Variants in CYTIP observed in about 807,000 individuals in gnomAD.
CYTIP encodes the protein cytohesin-interacting protein.
A neutral mutation model predicts 43.8 loss-of-function variants in CYTIP; 26 were observed. That is an observed-to-expected ratio of 0.59 (90% CI 0.44 to 0.82). The LOEUF is 0.82. Ranked by LOEUF, CYTIP falls within the 40% of genes least tolerant of loss-of-function variation. The probability of loss-of-function intolerance (pLI) is 0.00; values close to 1 mark genes in which losing one functional copy is unlikely to be tolerated. For missense variants in CYTIP, 426 were observed against 443.1 expected (o/e 0.96, Z 0.35); for synonymous variants, 162 against 162.9 (o/e 0.99, Z 0.04).
At chr2:157,441,603 TAC>T (rs35513959) in intron 1 of CYTIP, among the ~76,000 whole-genome samples, 26,755 of 148,320 alleles carry the variant, frequency 0.18, 2,825 homozygotes, top group Non-Finnish European at 0.25. Context: ...TATATGCACA[TAC>T]ACACACACAC....
At chr2:157,442,546 G>C (rs182804152) in intron 1 of CYTIP, among the ~76,000 whole-genome samples, 132 of 150,838 alleles carry the variant, frequency 8.8e-4, no homozygotes, top group Non-Finnish European at 1.7e-3. Context: ...CAAATATAAA[G>C]AAAATCTGAC....
rs1305008014 is a variant in CYTIP at position 157,434,839 on chromosome 2, TCTCTCTCTCTCACACACA to T, written c.175-110_175-93del. On this transcript the variant is annotated intron_variant, in intron 1 of 7. Coordinates refer to ENST00000264192, the MANE Select transcript of CYTIP (RefSeq NM_004288.5). ...CTCTCTCTCTCTCTCTCTCTCTCTC[TCTCTCTCTCTCACACACA>T]CACACACACACACACACACACACAC... 16 of 470,996 alleles carry T rather than the reference TCTCTCTCTCTCACACACA, an allele frequency of 3.4e-5. No individual in the cohort carries two copies. In the African/African-American group the frequency reaches 4.0e-4, roughly 12 times the overall value. The allele number at this position is 470,996 out of a possible 1,614,324, so 29.2% of individuals were successfully genotyped here. A position where few individuals can be genotyped will look rare whatever the true frequency, so the allele number is the denominator to read the frequency against.
At position 157,425,719 on chromosome 2, in the gene CYTIP, A is replaced by C. The variant is rs574610820; in HGVS notation, c.546+1632T>G. Among the ~76,000 whole-genome samples, 11 of 152,286 alleles carry C rather than the reference A, an allele frequency of 7.2e-5. No individual in the cohort carries two copies. In the South Asian group the frequency reaches 2.3e-3, roughly 32 times the overall value. Reference sequence around the variant, plus strand: ...TTTTCAATATTTCTTTTTTCTAAGAAAAGGTGAAAAAGTTAAACTTTTTTA... The same window carrying C: ...TTTTCAATATTTCTTTTTTCTAAGACAAGGTGAAAAAGTTAAACTTTTTTA... On this transcript the variant is annotated intron_variant, in intron 6 of 7. Coordinates refer to ENST00000264192, the MANE Select transcript of CYTIP (RefSeq NM_004288.5).
intron 6 of CYTIP, among the ~76,000 whole-genome samples, chr2:157,425,166 T>C (rs1381611502): frequency 6.6e-6 from 1 of 152,128 alleles, no homozygotes; most frequent in African/African-American, 2.4e-5. Flanking sequence ...ATTAAAGGAG[T>C]AATATATTCA....
chr2:157,423,755 C>A (rs1411206815), intron 6 of CYTIP, among the ~76,000 whole-genome samples: 2 of 151,944 alleles, frequency 1.3e-5, no homozygotes, highest in African/African-American at 4.8e-5. Context: ...CAAATCGAAC[C>A]TGTAATTACA....
rs999023521 is a variant in CYTIP at position 157,433,587 on chromosome 2, G to A, written c.279+783C>T. Among the ~76,000 whole-genome samples, 7 of 151,634 alleles carry A rather than the reference G, an allele frequency of 4.6e-5. No homozygotes were observed. In the East Asian group the frequency reaches 5.8e-4, roughly 13 times the overall value. ...AAACACATCCAAAAGACATGCAAAC[G>A]TACTATGGAAAAAAAAAACAGAAAT... is the stretch of plus-strand genomic sequence containing the variant. On this transcript the variant is annotated intron_variant, in intron 3 of 7. Coordinates refer to ENST00000264192, the MANE Select transcript of CYTIP (RefSeq NM_004288.5).
Position 157,415,597 on chromosome 2 carries a change from C to G in CYTIP, c.*80G>C. ...GGATGTCAGTTTTGCAATTCTTCTG[C>G]ACTTTCCCACCAAGCTGGGATCTGG... is the stretch of plus-strand genomic sequence containing the variant. On this transcript the variant is annotated 3_prime_UTR_variant, in exon 8 of 8. Transcript: ENST00000264192. 1 of 961,334 alleles carries G rather than the reference C, an allele frequency of 1.0e-6. No individual in the cohort carries two copies. The highest frequency in any genetic ancestry group is 1.6e-6 in the Non-Finnish European group (1 of 629,712). The allele number at this position is 961,334 out of a possible 1,614,324, so 59.6% of individuals were successfully genotyped here.
intron 5 of CYTIP, 92 bp downstream of exon 5, chr2:157,430,467 A>T: frequency 9.2e-7 from 1 of 1,084,032 alleles, no homozygotes; most frequent in Non-Finnish European, 1.4e-6. Flanking sequence ...TCCGTCTTGT[A>T]ATGCTGAACA....
chr2:157,435,401 T>C (rs972773643), intron 1 of CYTIP, among the ~76,000 whole-genome samples: 2 of 152,204 alleles, frequency 1.3e-5, no homozygotes, highest in African/African-American at 4.8e-5. Context: ...ATTTTTGTAA[T>C]AGTTTTGGAA....
chr2:157,438,659 A>C (rs1454312648), intron 1 of CYTIP, among the ~76,000 whole-genome samples: 2 of 152,188 alleles, frequency 1.3e-5, no homozygotes, highest in African/African-American at 4.8e-5. Context: ...ATGTATGATT[A>C]TATATCAACT....
rs1211819212 is a variant in CYTIP at position 157,442,061 on chromosome 2, CA to C, written c.174+1785del. Among the ~76,000 whole-genome samples, 4 of 152,162 alleles carry C rather than the reference CA, an allele frequency of 2.6e-5. No homozygotes were observed. In the East Asian group the frequency reaches 5.8e-4, roughly 22 times the overall value. On this transcript the variant is annotated intron_variant, in intron 1 of 7. Transcript: ENST00000264192. ...ACACACTTAATATTGTGTTGTTACACAAAAAAGTCCTCCAGGCACCAGGATC... is the reference window on the plus strand; with the variant it reads ...ACACACTTAATATTGTGTTGTTACACAAAAAGTCCTCCAGGCACCAGGATC...
At chr2:157,426,008 C>T (rs902245371) in intron 6 of CYTIP, among the ~76,000 whole-genome samples, 1 of 151,600 alleles carries the variant, frequency 6.6e-6, no homozygotes, top group Non-Finnish European at 1.5e-5. Flanking sequence ...GATAAGAAAT[C>T]TATATAGAAA....
chr2:157,434,812 ATCTCTCTCTC>A lies in CYTIP; in HGVS notation c.175-75_175-66del, dbSNP rs113065609. 2,545 of 415,074 alleles carry A rather than the reference ATCTCTCTCTC, an allele frequency of 6.1e-3. 15 individuals are homozygous for A. The highest frequency in any genetic ancestry group is 0.016 in the South Asian group (494 of 30,310). The allele number at this position is 415,074 out of a possible 1,614,324, so 25.7% of individuals were successfully genotyped here. ...CAAGATACACTGTAAAATGTTCTAA[ATCTCTCTCTC>A]TCTCTCTCTCTCTCTCTCTCTCTCT... On this transcript the variant is annotated intron_variant, in intron 1 of 7. Transcript: ENST00000264192.
At chr2:157,434,503 A>T in intron 2 of CYTIP, 79 bp from the exon 3 acceptor site, 1 of 1,172,630 alleles carries the variant, frequency 8.5e-7, no homozygotes, top group Non-Finnish European at 1.3e-6. Flanking sequence ...ATTAAAAATA[A>T]CTGTCACAAT....
chr2:157,436,309 T>C (rs957634808), intron 1 of CYTIP, among the ~76,000 whole-genome samples: 2 of 152,212 alleles, frequency 1.3e-5, no homozygotes, highest in African/African-American at 4.8e-5. Flanking sequence ...TCATCTATGT[T>C]AGTGGGCTTC....
In CYTIP at chr2:157,427,430, G is replaced by GA; in HGVS notation, c.477-11_477-10insT. 6.4e-7 allele frequency: 1 copy of GA among 1,572,832 alleles called. No homozygotes were observed. Among genetic ancestry groups the GA allele is most frequent in the South Asian group, 1.2e-5 (1 of 84,968 alleles). ...ATTAAGAGTCTCTATCCTGTTTTAA[G>GA]GAAAAAAAAAAGAAGAGGAAGGTGG... On this transcript the variant is annotated splice_polypyrimidine_tract_variant and intron_variant, in intron 5 of 7. Coordinates refer to ENST00000264192, the MANE Select transcript of CYTIP (RefSeq NM_004288.5).
At chr2:157,424,671 T>C (rs145227781) in intron 6 of CYTIP, among the ~76,000 whole-genome samples, 469 of 152,164 alleles carry the variant, frequency 3.1e-3, no homozygotes, top group Non-Finnish European at 5.5e-3. Flanking sequence ...GCAAGGGCAA[T>C]AGAGTGAGAC....
chr2:157,441,239 A>G (rs1331353847), intron 1 of CYTIP, among the ~76,000 whole-genome samples: 1 of 152,242 alleles, frequency 6.6e-6, no homozygotes, highest in Non-Finnish European at 1.5e-5. Context: ...TTGCCTCACA[A>G]GGATCTTGTT....
intron 6 of CYTIP, among the ~76,000 whole-genome samples, chr2:157,421,795 CTA>C (rs1300850350): frequency 9.9e-5 from 15 of 152,142 alleles, no homozygotes. Flanking sequence ...CTGACCTTGG[CTA>C]TGGGTCAGAC....
Sources: gnomAD v4.1 joint callset for allele counts (sites outside exome capture counted in the v4.1 genomes callset) on GRCh38, gnomAD v4.1.1 for gene constraint, MANE v1.5 for transcripts, NCBI Gene and HGNC (gene_info 2026-07-23, HGNC 2026-07-21) for gene names.